The following TBL1XR1 variants were observed in gnomAD, a reference collection of about 807,000 sequenced individuals.
The protein encoded by TBL1XR1 is F-box-like/WD repeat-containing protein TBL1XR1.
TBL1XR1 carries 5 observed loss-of-function variants against 66.9 expected under a neutral mutation model. The observed-to-expected ratio is 0.07, with a 90% CI of 0.04 to 0.16. The LOEUF (loss-of-function observed/expected upper bound fraction) is 0.16. TBL1XR1 is among the 10% of genes least tolerant of loss of function. The pLI is 1.00. For synonymous variants in TBL1XR1, 210 were observed against 206.0 expected (o/e 1.02, Z -0.17); for missense variants, 238 against 623.2 (o/e 0.38, Z 6.58).
chr3:177,075,642 C>G (rs998840438), intron 2 of TBL1XR1, among the ~76,000 whole-genome samples: 1 of 152,086 alleles, frequency 6.6e-6, no homozygotes, highest in African/African-American at 2.4e-5. Flanking sequence ...TAGACAGACC[C>G]CTCTCCTCCT....
chr3:177,136,916 G>A (rs542371335), intron 1 of TBL1XR1, among the ~76,000 whole-genome samples: 50 of 152,188 alleles, frequency 3.3e-4, no homozygotes, highest in African/African-American at 1.1e-3. Context: ...TTTTCTGACC[G>A]TTGTCATGAG....
intron 2 of TBL1XR1, among the ~76,000 whole-genome samples, chr3:177,082,992 T>G (rs1202924049): frequency 6.6e-6 from 1 of 151,570 alleles, no homozygotes; most frequent in African/African-American, 2.4e-5. Flanking sequence ...TCTCCTGACC[T>G]CGTGATCCAT....
At chr3:177,027,252 G>GC (rs375385800) in intron 14 of TBL1XR1, 1 of 152,292 alleles carries the variant, frequency 6.6e-6, no homozygotes, top group African/African-American at 2.4e-5. Context: ...ACCCACCCTG[G>GC]CCTCCCAAAA....
intron 10 of TBL1XR1, among the ~76,000 whole-genome samples, chr3:177,042,303 T>G (rs1715694130): frequency 6.6e-6 from 1 of 152,184 alleles, no homozygotes; most frequent in Admixed American, 6.5e-5. Context: ...TAAAGTGTTA[T>G]TCACAAGGCC....
At chr3:177,063,685 T>C (rs191262449) in intron 3 of TBL1XR1, among the ~76,000 whole-genome samples, 138 of 152,342 alleles carry the variant, frequency 9.1e-4, no homozygotes, top group African/African-American at 3.2e-3. Flanking sequence ...ATTCTTTAGA[T>C]CTGCCTTCAG....
At chr3:177,133,591 G>A (rs73171103) in intron 1 of TBL1XR1, among the ~76,000 whole-genome samples, 10,755 of 151,990 alleles carry the variant, frequency 0.071, 542 homozygotes, top group Admixed American at 0.17. Flanking sequence ...AATAATATAC[G>A]CATACATGCA....
chr3:177,192,580 T>A (rs1462465480), intron 1 of TBL1XR1, among the ~76,000 whole-genome samples: 2 of 152,086 alleles, frequency 1.3e-5, no homozygotes, highest in Non-Finnish European at 2.9e-5. Context: ...CACAACTTTT[T>A]AAGAGTAAAA....
At chr3:177,194,200 C>T (rs930251533) in intron 1 of TBL1XR1, 5 of 152,234 alleles carry the variant, frequency 3.3e-5, no homozygotes, top group Non-Finnish European at 7.3e-5. Context: ...CTGAACGATA[C>T]TCAACAATTC....
intron 1 of TBL1XR1, among the ~76,000 whole-genome samples, chr3:177,113,204 A>G (rs1196765908): frequency 6.6e-6 from 1 of 150,482 alleles, no homozygotes; most frequent in African/African-American, 2.4e-5. Flanking sequence ...TTCACCATAT[A>G]CAAAAATTAA....
At chr3:177,197,633 AGCGGGCGGGCGG>A (rs1247166209), upstream of TBL1XR1, among the ~76,000 whole-genome samples, 2 of 78,996 alleles carry the variant, frequency 2.5e-5, no homozygotes, top group Non-Finnish European at 4.9e-5. Context: ...CGGGCGGGCG[AGCGGGCGGGCGG>A]GCGCGCGGGG....
rs111492127 is a variant in TBL1XR1, at chr3:177,142,152, G to T, written c.-121-43611C>A. Among the ~76,000 whole-genome samples, 24 of 152,288 alleles carry T rather than the reference G, an allele frequency of 1.6e-4. 1 individual carries two copies. Among genetic ancestry groups the T allele is most frequent in the African/African-American group, 5.8e-4 (24 of 41,572 alleles). ...CAGGGTAGACAAGAGACAAAATTCA[G>T]GCTTAGCCCAGGAGGCTTCTTGGCT... is the stretch of plus-strand genomic sequence containing the variant. On this transcript the variant is annotated intron_variant, in intron 1 of 15. Transcript: ENST00000457928.
At chr3:177,195,340 T>G (rs781058307) in intron 1 of TBL1XR1, among the ~76,000 whole-genome samples, 4 of 151,396 alleles carry the variant, frequency 2.6e-5, no homozygotes, top group Non-Finnish European at 5.9e-5. Context: ...TCTAGAACTC[T>G]CAACTATTTG....
intron 10 of TBL1XR1, among the ~76,000 whole-genome samples, chr3:177,040,403 G>A (rs1205047949): frequency 6.6e-6 from 1 of 152,168 alleles, no homozygotes; most frequent in Non-Finnish European, 1.5e-5. Flanking sequence ...GACGTCTGTG[G>A]AAAGGGAAAA....
intron 2 of TBL1XR1, among the ~76,000 whole-genome samples, chr3:177,065,673 T>A (rs1003669814): frequency 6.6e-6 from 1 of 152,236 alleles, no homozygotes; most frequent in African/African-American, 2.4e-5. Context: ...CAAATATATC[T>A]AATTATACTT....
chr3:177,123,126 C>G (rs1365006042), intron 1 of TBL1XR1, among the ~76,000 whole-genome samples: 4 of 152,056 alleles, frequency 2.6e-5, no homozygotes, highest in African/African-American at 7.2e-5. Flanking sequence ...CAGCAGCAAT[C>G]TTTAAGTGGT....
At chr3:177,193,318 T>G (rs981956140) in intron 1 of TBL1XR1, among the ~76,000 whole-genome samples, 1 of 151,972 alleles carries the variant, frequency 6.6e-6, no homozygotes, top group African/African-American at 2.4e-5. Flanking sequence ...ATTTTTTGTT[T>G]GTTTGTTTTT....
intron 1 of TBL1XR1, among the ~76,000 whole-genome samples, chr3:177,195,284 T>C (rs1736687022): frequency 6.6e-6 from 1 of 151,884 alleles, no homozygotes; most frequent in South Asian, 2.1e-4. Flanking sequence ...CTCTCAGGCA[T>C]ACTTTCTTCC....
At chr3:177,201,414 C>CAAA (rs557996871), upstream of TBL1XR1, among the ~76,000 whole-genome samples, 71 of 41,026 alleles carry the variant, frequency 1.7e-3, no homozygotes, top group African/African-American at 2.1e-3. Flanking sequence ...GATTACATCT[C>CAAA]AAAAAAAAAA....
chr3:177,134,442 G>C (rs1360246779), intron 1 of TBL1XR1, among the ~76,000 whole-genome samples: 2 of 152,152 alleles, frequency 1.3e-5, no homozygotes, highest in Non-Finnish European at 2.9e-5. Flanking sequence ...TTGCTACTAA[G>C]GGGAATACAT....
Sources: allele counts gnomAD v4.1 joint callset (sites outside exome capture counted in the v4.1 genomes callset), GRCh38; gene constraint gnomAD v4.1.1; transcripts MANE v1.5; gene names NCBI Gene and HGNC (gene_info 2026-07-23, HGNC 2026-07-21).